UBP1: variants seen among roughly 807,000 people sequenced by gnomAD.
UBP1 encodes upstream binding protein 1.
Under a neutral mutation model 76.1 loss-of-function variants are expected in UBP1, and 22 were observed. That is an observed-to-expected ratio of 0.29 (90% CI 0.21 to 0.41). UBP1 has a LOEUF of 0.41. Among genes scored for constraint, UBP1 ranks in the 10% least tolerant of loss-of-function variants. The pLI, the probability that UBP1 is intolerant of heterozygous loss-of-function variation, is 1.00. For missense variants in UBP1, 436 were observed against 668.1 expected, an observed-to-expected ratio of 0.65 and a Z score of 3.83; for synonymous variants, 224 against 237.1, an observed-to-expected ratio of 0.94 and a Z score of 0.51.
chr3:33,409,529 C>T lies in UBP1; in HGVS notation c.628G>A (p.Val210Ile). Residue 210 changes from valine (V) to isoleucine (I), a missense_variant, in exon 6 of 16, where the codon GTT (valine) becomes ATT (isoleucine). Transcript: ENST00000283629. Reference protein sequence around the residue: ...GEKGVPFRIQVDTFKQNENGE... With the variant: ...GEKGVPFRIQIDTFKQNENGE... ...TTTTCATTCTGCTTAAAGGTGTCAA[C>T]CTGGATCCTAAAGGGCACTCCCTTT... 2 of 1,614,170 alleles carry T rather than the reference C, an allele frequency of 1.2e-6. No homozygotes were observed. The highest frequency in any genetic ancestry group is 8.5e-7 in the Non-Finnish European group (1 of 1,180,030).
chr3:33,390,291 G>T lies in UBP1; in HGVS notation c.*40C>A. ...TCAGTCTTCACACACTTTTAAGCGTGACTATTTGGTACTGAATACAGTTCA... is the reference window on the plus strand; with the variant it reads ...TCAGTCTTCACACACTTTTAAGCGTTACTATTTGGTACTGAATACAGTTCA... On this transcript the variant is annotated 3_prime_UTR_variant, in exon 16 of 16. Transcript: ENST00000283629. 6.3e-7 allele frequency: 1 copy of T among 1,591,396 alleles called. No homozygotes were observed.
intron 8 of UBP1, among the ~76,000 whole-genome samples, chr3:33,408,361 T>C (rs1212853172): frequency 1.3e-5 from 2 of 152,054 alleles, no homozygotes; most frequent in Non-Finnish European, 2.9e-5. Flanking sequence ...TTCAGTGCTC[T>C]TGAAGGAGGT....
At chr3:33,406,617 C>T (rs1308575871) in intron 8 of UBP1, among the ~76,000 whole-genome samples, 1 of 152,228 alleles carries the variant, frequency 6.6e-6, no homozygotes, top group African/African-American at 2.4e-5. Flanking sequence ...TTTACCAAAA[C>T]TCCATAAATA....
chr3:33,429,412 G>A (rs1212686773), intron 1 of UBP1, among the ~76,000 whole-genome samples: 1 of 151,674 alleles, frequency 6.6e-6, no homozygotes, highest in Non-Finnish European at 1.5e-5. Context: ...GCAGTGGCAT[G>A]ATCATGGCTC....
In UBP1 at chr3:33,396,311, G is replaced by C. The variant is rs932461066; in HGVS notation, c.1272-31C>G. 6 of 1,520,386 alleles carry C rather than the reference G, an allele frequency of 3.9e-6. No individual in the cohort carries two copies. In the Admixed American group the frequency reaches 5.2e-5, roughly 13 times the overall value. 94.2% of individuals were successfully genotyped at this position (1,520,386 alleles called of 1,614,324 possible). On this transcript the variant is annotated intron_variant, in intron 12 of 15. Transcript: ENST00000283629. The stretch of plus-strand genomic sequence containing the variant: ...ATCAGAAGATGCCACTGATGAGCCT[G>C]GGAGAGAAAGCTGCCTTACACATGT...
intron 6 of UBP1, 48 bp downstream of exon 6, chr3:33,409,401 A>G: frequency 6.2e-7 from 1 of 1,613,856 alleles, no homozygotes. Context: ...ACAGCTTTAC[A>G]GGCAAAACTG....
chr3:33,393,090 C>G (rs1465071605), intron 14 of UBP1: 2 of 487,942 alleles, frequency 4.1e-6, no homozygotes, highest in Middle Eastern at 5.4e-4. Flanking sequence ...TCCTAAAGGG[C>G]TGGGGGGAGG....
intron 1 of UBP1, among the ~76,000 whole-genome samples, chr3:33,427,870 T>C (rs2045045474): frequency 6.6e-6 from 1 of 152,204 alleles, no homozygotes; most frequent in Admixed American, 6.5e-5. Context: ...CCTAAGCTCC[T>C]GCCTTGGGGG....
Position 33,389,231 on chromosome 3 carries a change from A to G in UBP1, c.*1100T>C, listed in dbSNP as rs181704086. 3.3e-5 allele frequency: 5 copies of G among 152,752 alleles called. No homozygotes were observed. Among genetic ancestry groups the G allele is most frequent in the African/African-American group, 9.6e-5 (4 of 41,576 alleles). 9.5% of individuals were successfully genotyped at this position (152,752 alleles called of 1,614,324 possible). A position where few individuals can be genotyped will look rare whatever the true frequency, so the allele number is the denominator to read the frequency against. On this transcript the variant is annotated 3_prime_UTR_variant, in exon 16 of 16. Coordinates refer to ENST00000283629, the MANE Select transcript of UBP1 (RefSeq NM_014517.5). ...TAAAAAGCCCCTAAATCATCACCAG[A>G]ATGTCTATCCATGATTGTACTAAAG...
At chr3:33,404,673 A>T (rs2044368597) in intron 8 of UBP1, among the ~76,000 whole-genome samples, 1 of 152,088 alleles carries the variant, frequency 6.6e-6, no homozygotes, top group African/African-American at 2.4e-5. Flanking sequence ...AAAAGTACAT[A>T]ACTCTAATGA....
chr3:33,437,250 G>C (rs961391725), intron 1 of UBP1, among the ~76,000 whole-genome samples: 12 of 151,712 alleles, frequency 7.9e-5, no homozygotes, highest in Admixed American at 5.9e-4. Context: ...TTAAGAGAAA[G>C]GGGTGGGGGG....
intron 1 of UBP1, among the ~76,000 whole-genome samples, chr3:33,432,980 A>G (rs552584262): frequency 6.6e-6 from 1 of 152,294 alleles, no homozygotes; most frequent in East Asian, 1.9e-4. Context: ...AAGTTCAACT[A>G]TGAATACATG....
At chr3:33,424,578 T>A (rs1475715636) in intron 2 of UBP1, among the ~76,000 whole-genome samples, 1 of 152,272 alleles carries the variant, frequency 6.6e-6, no homozygotes, top group Non-Finnish European at 1.5e-5. Context: ...CCAGTTTTTC[T>A]ACAATGAGCA....
At chr3:33,433,104 A>G (rs1330517469) in intron 1 of UBP1, among the ~76,000 whole-genome samples, 4 of 151,224 alleles carry the variant, frequency 2.6e-5, no homozygotes, top group Non-Finnish European at 5.9e-5. Context: ...TCTGTCGCCC[A>G]GGCTGGAATG....
intron 12 of UBP1, chr3:33,396,568 T>C (rs1489344490): frequency 2.4e-6 from 1 of 421,018 alleles, no homozygotes; most frequent in African/African-American, 2.0e-5. Context: ...ATCAGTAAGA[T>C]TCAATTTTAA....
At chr3:33,412,657 A>G (rs1399706012) in intron 4 of UBP1, 65 bp downstream of exon 4, 3 of 1,066,712 alleles carry the variant, frequency 2.8e-6, no homozygotes, top group East Asian at 4.7e-5. Context: ...ATGCCAACAC[A>G]ACACATTACT....
At chr3:33,441,299 G>C (rs1258040600), upstream of UBP1, 1 of 152,302 alleles carries the variant, frequency 6.6e-6, no homozygotes, top group African/African-American at 2.4e-5. Context: ...AGTTCCTTAG[G>C]AGCGGCTGCT....
Position 33,439,906 on chromosome 3 carries a change from C to A in UBP1, c.-58G>T. On this transcript the variant is annotated 5_prime_UTR_variant, in exon 1 of 16. Transcript: ENST00000283629. ...GCCTCCGCGTCCAGGGCGAAGGAGC[C>A]GGAGCTCCGCTGGCGCGTCCTGGGG... is the stretch of plus-strand genomic sequence containing the variant. 6.3e-7 allele frequency: 1 copy of A among 1,593,422 alleles called. No homozygotes were observed. The highest frequency in any genetic ancestry group is 8.6e-7 in the Non-Finnish European group (1 of 1,167,492).
intron 13 of UBP1, among the ~76,000 whole-genome samples, chr3:33,394,375 T>A (rs912212231): frequency 1.3e-5 from 2 of 152,092 alleles, no homozygotes; most frequent in Non-Finnish European, 2.9e-5. Flanking sequence ...CCAGTAATCC[T>A]ACTACTAGGA....
Sources: allele counts gnomAD v4.1 joint callset (sites outside exome capture counted in the v4.1 genomes callset), GRCh38; gene constraint gnomAD v4.1.1; transcripts MANE v1.5; gene names NCBI Gene and HGNC (gene_info 2026-07-23, HGNC 2026-07-21).